The following TEP1 variants were observed in gnomAD, a reference collection of about 807,000 sequenced individuals.
The protein encoded by TEP1 is telomerase associated protein 1.
A neutral mutation model predicts 306.3 loss-of-function variants in TEP1; 241 were observed. The ratio of observed to expected loss-of-function variants is 0.79; its 90% CI spans 0.71 to 0.88. The LOEUF is 0.88. Ranked by LOEUF, TEP1 falls within the 40% of genes least tolerant of loss-of-function variation. The probability of loss-of-function intolerance (pLI) is 0.00; values close to 1 mark genes in which losing one functional copy is unlikely to be tolerated. For synonymous variants in TEP1, 1,289 were observed against 1,305.5 expected (o/e 0.99, Z 0.27); for missense variants, 3,051 against 3,276.1 (o/e 0.93, Z 1.68).
chr14:20,385,944 T>C, intron 20 of TEP1, 131 bp downstream of exon 20: 11 of 1,326,906 alleles, frequency 8.3e-6, no homozygotes, highest in Non-Finnish European at 1.1e-5. Flanking sequence ...ATCTTCAGCC[T>C]GTATTTCACT....
At chr14:20,390,836 T>C (rs1877642605) in intron 14 of TEP1, 78 bp from the exon 15 acceptor site, 1 of 1,612,868 alleles carries the variant, frequency 6.2e-7, no homozygotes, top group Non-Finnish European at 8.5e-7. Context: ...GCTTGGGAAA[T>C]CTTCAGAACT....
At chr14:20,394,650 T>C (rs1391599037) in intron 12 of TEP1, among the ~76,000 whole-genome samples, 1 of 152,108 alleles carries the variant, frequency 6.6e-6, no homozygotes, top group Non-Finnish European at 1.5e-5. Context: ...CGGCTAATTT[T>C]TGTATTTTTA....
At chr14:20,400,028 C>T (rs1220604911) in intron 9 of TEP1, among the ~76,000 whole-genome samples, 2 of 150,478 alleles carry the variant, frequency 1.3e-5, no homozygotes, top group South Asian at 2.1e-4. Context: ...TGGTGGCATG[C>T]GCCTGTAATC....
At position 20,368,797 on chromosome 14, in the gene TEP1, C is replaced by CACA. The variant is rs757366687; in HGVS notation, c.7761_7761+1insTGT (p.Leu2587_Leu2588insCys). On this transcript the variant is annotated inframe_insertion and splice_region_variant. Transcript: ENST00000262715. ...ACACACACACACACACACACACTTA[C>CACA]CAGCTGCATACTGGGTCTCTCCCAT... 18 of 1,602,704 alleles carry CACA rather than the reference C, an allele frequency of 1.1e-5. No individual in the cohort carries two copies. The highest frequency in any genetic ancestry group is 4.0e-5 in the African/African-American group (3 of 74,524).
At chr14:20,378,655 G>A in intron 37 of TEP1, 99 bp downstream of exon 37, 1 of 1,576,990 alleles carries the variant, frequency 6.3e-7, no homozygotes, top group Non-Finnish European at 8.7e-7. Flanking sequence ...GCCTTCTCTG[G>A]CCAGGGAGTC....
chr14:20,383,110 C>G (rs1241070441), intron 27 of TEP1, 64 bp downstream of exon 27: 1 of 1,515,728 alleles, frequency 6.6e-7, no homozygotes, highest in Non-Finnish European at 8.8e-7. Flanking sequence ...GGCCTCGGCA[C>G]CCCAGGTCCT....
rs753146872 is a variant in TEP1, at chr14:20,369,669, C to T, written c.7423+5G>A. The T allele has an allele frequency of 3.7e-6, 6 of 1,613,966 alleles. No homozygotes were observed. In the South Asian group the frequency reaches 6.6e-5, roughly 18 times the overall value. The stretch of plus-strand genomic sequence containing the variant: ...GGCTCCTCAGGTCCTCCTGTTACCA[C>T]TCACCAGATTCAGGTTTGGCTTGAG... On this transcript the variant is annotated splice_donor_5th_base_variant and intron_variant, in intron 52 of 54. Coordinates refer to ENST00000262715, the MANE Select transcript of TEP1 (RefSeq NM_007110.5).
chr14:20,375,713 G>T, intron 43 of TEP1, 42 bp downstream of exon 43: 1 of 1,390,806 alleles, frequency 7.2e-7, no homozygotes. Context: ...CTTGCCCCAG[G>T]AACCCAGCTG....
At chr14:20,412,850 G>T (rs1341721886) in intron 1 of TEP1, among the ~76,000 whole-genome samples, 2 of 151,566 alleles carry the variant, frequency 1.3e-5, no homozygotes, top group Non-Finnish European at 2.9e-5. Context: ...CAGTAGAGAG[G>T]GTTTTCACCA....
rs770107747 is a variant in TEP1, at chr14:20,405,450, C to T, written c.870+1G>A. ...CCATCCCCTCCTTCACACCTCAATACCTTGAGGATAAACTCAGGCTCCAGG... is the reference window on the plus strand; with the variant it reads ...CCATCCCCTCCTTCACACCTCAATATCTTGAGGATAAACTCAGGCTCCAGG... On this transcript the variant is annotated splice_donor_variant, in intron 4 of 54. Coordinates refer to ENST00000262715, the MANE Select transcript of TEP1 (RefSeq NM_007110.5). LOFTEE classifies it high-confidence loss of function. The T allele has an allele frequency of 1.2e-6, 2 of 1,613,964 alleles. No homozygotes were observed. The highest frequency in any genetic ancestry group is 1.3e-5 in the African/African-American group (1 of 75,014).
At position 20,378,754 on chromosome 14, in the gene TEP1, C is replaced by T. The variant is rs1477023080; in HGVS notation, c.5352G>A (p.Lys1784=). The stretch of plus-strand genomic sequence containing the variant: ...GACCACTGCAGACCCCAAGTCTTAC[C>T]TTTAGGCATCCTCCCAAGCACACGG... ...LATVCLGGCL[K]LWDTVRGQLA... is the part of the protein sequence containing the mutation. Residue 1784 remains lysine, a splice_region_variant and synonymous_variant, in exon 37 of 55, where the codon AAG becomes AAA. Coordinates refer to ENST00000262715, the MANE Select transcript of TEP1 (RefSeq NM_007110.5). 1 of 1,614,140 alleles carries T rather than the reference C, an allele frequency of 6.2e-7. No homozygotes were observed. The highest frequency in any genetic ancestry group is 1.7e-5 in the Admixed American group (1 of 60,028).
chr14:20,380,118 G>A (rs1313544386), intron 34 of TEP1, 65 bp from the exon 35 acceptor site: 3 of 1,586,388 alleles, frequency 1.9e-6, no homozygotes, highest in African/African-American at 2.7e-5. Context: ...GTTGATTTAT[G>A]TGCTTCTGTG....
chr14:20,384,647 T>A lies in TEP1; in HGVS notation c.3174A>T (p.Ser1058=), dbSNP rs574302906. Residue 1058 remains serine (S), a synonymous_variant, in exon 22 of 55, where the codon TCA becomes TCT. Coordinates refer to ENST00000262715, the MANE Select transcript of TEP1 (RefSeq NM_007110.5). ...GTCTGCTTAGGTAGCTCTTCAGTTC[T>A]GAGATCCGACGTGCGGCCTCTTCAG... The part of the protein sequence containing the change: ...SESEEAARRI[S]ELKSYLSRQK... 1 of 1,614,046 alleles carries A rather than the reference T, an allele frequency of 6.2e-7. No individual in the cohort carries two copies. Among genetic ancestry groups the A allele is most frequent in the Non-Finnish European group, 8.5e-7 (1 of 1,180,028 alleles).
chr14:20,390,710 G>A lies in TEP1; in HGVS notation c.2305C>T (p.Leu769=). 10 of 1,614,182 alleles carry A rather than the reference G, an allele frequency of 6.2e-6. No individual in the cohort carries two copies. The highest frequency in any genetic ancestry group is 8.5e-6 in the Non-Finnish European group (10 of 1,180,038). ...GWSLNTFGKY[L]LSLAGQRVPV... is the part of the protein sequence containing the mutation. Reference sequence around the variant, plus strand: ...ACCCTTTGGCCAGCCAGAGACAGCAGGTATTTCCCAAAAGTATTCAGGGAC... The same window carrying A: ...ACCCTTTGGCCAGCCAGAGACAGCAAGTATTTCCCAAAAGTATTCAGGGAC... Residue 769 remains leucine (L), a synonymous_variant, in exon 15 of 55, where the codon CTG becomes TTG. Coordinates refer to ENST00000262715, the MANE Select transcript of TEP1 (RefSeq NM_007110.5).
chr14:20,377,372 T>C lies in TEP1; in HGVS notation c.5996A>G (p.Glu1999Gly). 2.5e-6 allele frequency: 4 copies of C among 1,614,116 alleles called. No homozygotes were observed. Among genetic ancestry groups the C allele is most frequent in the Non-Finnish European group, 3.4e-6 (4 of 1,180,026 alleles). The change falls in exon 41 of 55, where the codon GAA becomes GGA. Residue 1999 changes from glutamate to glycine, a missense_variant. Around this residue, in one of 3 missense-constraint regions of TEP1, gnomAD observed 1,540 missense variants for 1,705.9 expected, o/e 0.90. Transcript: ENST00000262715. Reference sequence around the variant, plus strand: ...GAGCCAGAGGGACTGAAGGGAGCATTCCTTGAGTGCCCAGCCCTGCAAGGA... The same window carrying C: ...GAGCCAGAGGGACTGAAGGGAGCATCCCTTGAGTGCCCAGCCCTGCAAGGA... ...DGSLQGWALK[E>G]CSLQSLWLLS...
rs768910793 is a variant in TEP1 at position 20,388,071 on chromosome 14, A to G, written c.2526-8T>C. 6 of 1,613,950 alleles carry G rather than the reference A, an allele frequency of 3.7e-6. No homozygotes were observed. The highest frequency in any genetic ancestry group is 5.1e-6 in the Non-Finnish European group (6 of 1,179,944). ...CCATGCTCTGCAATGAACCTGACAT[A>G]AATAACAAGATAAATGAGAGTAGAA... On this transcript the variant is annotated splice_polypyrimidine_tract_variant and splice_region_variant and intron_variant, in intron 17 of 54. Transcript: ENST00000262715.
In TEP1 at chr14:20,391,681, G is replaced by A; in HGVS notation, c.2015C>T (p.Pro672Leu). Reference protein sequence around the residue: ...AVNLSVKHSLPLLPGRTVLVY... With the variant: ...AVNLSVKHSLLLLPGRTVLVY... ...CAAGACAGTGCGGCCTGGCAGCAGG[G>A]GCAGGCTGTGCTTCACAGAGAGGTT... Residue 672 changes from proline to leucine, a missense_variant, in exon 13 of 55, where the codon CCC (proline) becomes CTC (leucine). By Grantham distance (98) the Pro-to-Leu change is moderately conservative. This residue lies in a region of TEP1 where 1,507 missense variants were observed against 1,550.5 expected (regional missense o/e 0.97). Transcript: ENST00000262715. 6.2e-7 allele frequency: 1 copy of A among 1,614,180 alleles called. No individual in the cohort carries two copies.
chr14:20,386,219 T>C lies in TEP1; in HGVS notation c.2862-24A>G. 4 of 1,613,684 alleles carry C rather than the reference T, an allele frequency of 2.5e-6. No homozygotes were observed. The South Asian group carries it at 4.4e-5, about 18-fold the overall frequency. On this transcript the variant is annotated intron_variant, in intron 19 of 54. Transcript: ENST00000262715. ...GTCTGTAGGCATGATGATAGGGACGTGTGGGAGTCACTGGGGGCATGGTAT... is the reference window on the plus strand; with the variant it reads ...GTCTGTAGGCATGATGATAGGGACGCGTGGGAGTCACTGGGGGCATGGTAT...
In TEP1 at chr14:20,377,412, C is replaced by A; in HGVS notation, c.5956G>T (p.Gly1986Cys). The A allele has an allele frequency of 6.2e-7, 1 of 1,614,102 alleles. No individual in the cohort carries two copies. Among genetic ancestry groups the A allele is most frequent in the South Asian group, 1.1e-5 (1 of 91,090 alleles). ...AWLSPKVLVSGAEDGSLQGWA... is the reference protein window; with the variant it reads ...AWLSPKVLVSCAEDGSLQGWA... ...CCCTGCAAGGACCCATCTTCTGCAC[C>A]ACTCACCAATACCTTGGGGCTTAGC... The change falls in exon 41 of 55, where the codon GGT (glycine) becomes TGT (cysteine). Residue 1986 changes from glycine to cysteine, a missense_variant. Physicochemically the swap from Gly to Cys is radical, Grantham distance 159. Transcript: ENST00000262715.
Sources: allele counts gnomAD v4.1 joint callset (sites outside exome capture counted in the v4.1 genomes callset), GRCh38; gene constraint gnomAD v4.1.1; regional missense constraint gnomAD v4.1.1; transcripts MANE v1.5; gene names NCBI Gene and HGNC (gene_info 2026-07-23, HGNC 2026-07-21).